TFAP2D: variants seen among roughly 807,000 people sequenced by gnomAD.
The protein encoded by TFAP2D is transcription factor AP-2 delta.
TFAP2D carries 9 observed loss-of-function variants against 43.6 expected under a neutral mutation model. That is an observed-to-expected ratio of 0.21 (90% CI 0.12 to 0.36). The LOEUF is 0.36. Ranked by LOEUF, TFAP2D falls within the 10% of genes least tolerant of loss-of-function variation. The pLI, the probability that TFAP2D is intolerant of heterozygous loss-of-function variation, is 1.00. For synonymous variants in TFAP2D, 256 were observed against 224.9 expected, an observed-to-expected ratio of 1.14 and a Z score of -1.24; for missense variants, 513 against 561.4, an observed-to-expected ratio of 0.91 and a Z score of 0.87.
intron 5 of TFAP2D, among the ~76,000 whole-genome samples, chr6:50,739,441 T>C (rs1581767240): frequency 6.6e-6 from 1 of 152,310 alleles, no homozygotes; most frequent in South Asian, 2.1e-4. Flanking sequence ...ATGGTGTATA[T>C]GTGCCACATT....
At chr6:50,754,434 C>A (rs1769238534) in intron 7 of TFAP2D, among the ~76,000 whole-genome samples, 1 of 151,800 alleles carries the variant, frequency 6.6e-6, no homozygotes, top group African/African-American at 2.4e-5. Context: ...GCATCCACTT[C>A]TTGACTATCA....
intron 6 of TFAP2D, among the ~76,000 whole-genome samples, chr6:50,748,399 A>C (rs1029121773): frequency 6.6e-6 from 1 of 151,934 alleles, no homozygotes; most frequent in Non-Finnish European, 1.5e-5. Context: ...TAAAAAATAT[A>C]TATGAAATCT....
chr6:50,729,186 T>G lies in TFAP2D; in HGVS notation c.765-8T>G. On this transcript the variant is annotated splice_region_variant and splice_polypyrimidine_tract_variant and intron_variant, in intron 4 of 7. Transcript: ENST00000008391. ...TTCAAAACCTAGTTTTTGTTTGTTT[T>G]TGTACAGAGCAAAATCAAAGAATGG... The G allele has an allele frequency of 6.2e-7, 1 of 1,613,492 alleles. No individual in the cohort carries two copies. Among genetic ancestry groups the G allele is most frequent in the Non-Finnish European group, 8.5e-7 (1 of 1,179,728 alleles).
At chr6:50,767,108 C>T (rs1240124192) in intron 7 of TFAP2D, among the ~76,000 whole-genome samples, 1 of 152,178 alleles carries the variant, frequency 6.6e-6, no homozygotes, top group African/African-American at 2.4e-5. Flanking sequence ...TTTCTAAAAT[C>T]ATATCATCTG....
At chr6:50,745,786 T>C (rs1769117351) in intron 6 of TFAP2D, among the ~76,000 whole-genome samples, 1 of 141,062 alleles carries the variant, frequency 7.1e-6, no homozygotes, top group Non-Finnish European at 1.5e-5. Flanking sequence ...TGTTATTGTC[T>C]TTTTTTTTTA....
chr6:50,737,464 A>G (rs1444854871), intron 5 of TFAP2D, among the ~76,000 whole-genome samples: 2 of 152,210 alleles, frequency 1.3e-5, no homozygotes, highest in Non-Finnish European at 2.9e-5. Context: ...GATTAATATA[A>G]GTTTAAATAA....
chr6:50,739,459 T>A (rs1441344848), intron 5 of TFAP2D, among the ~76,000 whole-genome samples: 1 of 152,166 alleles, frequency 6.6e-6, no homozygotes, highest in South Asian at 2.1e-4. Context: ...ATTTTTTTAA[T>A]CCAGTCTATC....
Position 50,751,196 on chromosome 6 carries a change from A to G in TFAP2D, c.1026-15A>G, listed in dbSNP as rs762610416. 2 of 1,548,838 alleles carry G rather than the reference A, an allele frequency of 1.3e-6. No homozygotes were observed. The highest frequency in any genetic ancestry group is 1.8e-6 in the Non-Finnish European group (2 of 1,127,760). On this transcript the variant is annotated splice_polypyrimidine_tract_variant and intron_variant, in intron 6 of 7. Transcript: ENST00000008391. ...TTTGAAAATTTCAATTTTAAATTTGATTCTTTTATTTTAGACAAATCTGTA... is the reference window on the plus strand; with the variant it reads ...TTTGAAAATTTCAATTTTAAATTTGGTTCTTTTATTTTAGACAAATCTGTA...
intron 7 of TFAP2D, among the ~76,000 whole-genome samples, chr6:50,772,135 C>T (rs941643406): frequency 5.3e-5 from 8 of 151,914 alleles, no homozygotes; most frequent in African/African-American, 1.9e-4. Context: ...AGCAAACTAT[C>T]GCAAGGACAA....
At position 50,757,774 on chromosome 6, in the gene TFAP2D, ATAAT is replaced by A. The variant is rs1169491278; in HGVS notation, c.1139+6453_1139+6456del. On this transcript the variant is annotated intron_variant, in intron 7 of 7. Coordinates refer to ENST00000008391, the MANE Select transcript of TFAP2D (RefSeq NM_172238.4). ...ATTATTCTATATATATAGAATATAT[ATAAT>A]TATTCTATATATATAGAATATATAT... Among the ~76,000 whole-genome samples, 4 of 108,466 alleles carry A rather than the reference ATAAT, an allele frequency of 3.7e-5. No individual in the cohort carries two copies. The Admixed American group carries it at 4.8e-4, about 13-fold the overall frequency. The allele number at this position is 108,466 out of a possible 152,430, so 71.2% of individuals were successfully genotyped here. A position where few individuals can be genotyped will look rare whatever the true frequency, so the allele number is the denominator to read the frequency against.
intron 2 of TFAP2D, among the ~76,000 whole-genome samples, chr6:50,718,762 C>CTGTA (rs1375331379): frequency 2.6e-5 from 4 of 152,204 alleles, no homozygotes; most frequent in African/African-American, 9.6e-5. Flanking sequence ...TGTACACTGT[C>CTGTA]TGTATATACG....
At chr6:50,716,902 A>G (rs571353234) in intron 2 of TFAP2D, among the ~76,000 whole-genome samples, 1 of 152,350 alleles carries the variant, frequency 6.6e-6, no homozygotes, top group South Asian at 2.1e-4. Flanking sequence ...AATTAAAGTG[A>G]AAGCCCTTAC....
At chr6:50,726,235 A>G (rs1768805729) in intron 3 of TFAP2D, among the ~76,000 whole-genome samples, 1 of 152,172 alleles carries the variant, frequency 6.6e-6, no homozygotes, top group Non-Finnish European at 1.5e-5. Flanking sequence ...AGTTGGGGAG[A>G]GCCTGATCTA....
chr6:50,726,286 A>T (rs1294308588), intron 3 of TFAP2D, among the ~76,000 whole-genome samples: 1 of 152,162 alleles, frequency 6.6e-6, no homozygotes, highest in Non-Finnish European at 1.5e-5. Context: ...CATCTCCCTA[A>T]ATTAGGTTTC....
chr6:50,772,999 G>T lies in TFAP2D; in HGVS notation c.*135G>T. 1 of 751,156 alleles carries T rather than the reference G, an allele frequency of 1.3e-6. No individual in the cohort carries two copies. Among genetic ancestry groups the T allele is most frequent in the Non-Finnish European group, 1.9e-6 (1 of 521,234 alleles). 46.5% of individuals were successfully genotyped at this position (751,156 alleles called of 1,614,324 possible). A position where few individuals can be genotyped will look rare whatever the true frequency, so the allele number is the denominator to read the frequency against. On this transcript the variant is annotated 3_prime_UTR_variant, in exon 8 of 8. Coordinates refer to ENST00000008391, the MANE Select transcript of TFAP2D (RefSeq NM_172238.4). Reference sequence around the variant, plus strand: ...CAACCCTCCATAAAAAAACAAAAATGGAAATGAAAAATGAAACAAAAAAGG... The same window carrying T: ...CAACCCTCCATAAAAAAACAAAAATTGAAATGAAAAATGAAACAAAAAAGG...
At chr6:50,716,627 C>T (rs1358037911) in intron 2 of TFAP2D, among the ~76,000 whole-genome samples, 1 of 152,110 alleles carries the variant, frequency 6.6e-6, no homozygotes, top group Non-Finnish European at 1.5e-5. Flanking sequence ...ATTATGTTGC[C>T]ATAGGCATAT....
At chr6:50,741,926 T>G (rs956253542) in intron 5 of TFAP2D, among the ~76,000 whole-genome samples, 4 of 152,082 alleles carry the variant, frequency 2.6e-5, no homozygotes, top group Admixed American at 2.6e-4. Flanking sequence ...AGTTCATTGT[T>G]CATATAGACA....
chr6:50,759,792 T>G (rs1769337689), intron 7 of TFAP2D, among the ~76,000 whole-genome samples: 1 of 152,068 alleles, frequency 6.6e-6, no homozygotes, highest in Non-Finnish European at 1.5e-5. Context: ...TGAGCTGAAC[T>G]GAGGTAAAAT....
chr6:50,733,986 ATGTGTGTGTG>A (rs34213110), intron 5 of TFAP2D, among the ~76,000 whole-genome samples: 2 of 141,594 alleles, frequency 1.4e-5, no homozygotes, highest in East Asian at 2.1e-4. Context: ...CTTTCTGTGT[ATGTGTGTGTG>A]TGTGTGTGTG....
Sources: gnomAD v4.1 joint callset for allele counts (sites outside exome capture counted in the v4.1 genomes callset) on GRCh38, gnomAD v4.1.1 for gene constraint, MANE v1.5 for transcripts, NCBI Gene and HGNC (gene_info 2026-07-23, HGNC 2026-07-21) for gene names.